The following CEPT1 variants were observed in gnomAD, a reference collection of about 807,000 sequenced individuals.
The protein encoded by CEPT1 is choline/ethanolaminephosphotransferase 1.
A neutral mutation model predicts 42.6 loss-of-function variants in CEPT1; 7 were observed. The ratio of observed to expected loss-of-function variants is 0.16; its 90% CI spans 0.09 to 0.31. CEPT1 has a LOEUF of 0.31. Ranked by LOEUF, CEPT1 falls within the 10% of genes least tolerant of loss-of-function variation. The pLI, the probability that CEPT1 is intolerant of heterozygous loss-of-function variation, is 1.00. For synonymous variants in CEPT1, 171 were observed against 171.9 expected (o/e 0.99, Z 0.04); for missense variants, 306 against 502.1 (o/e 0.61, Z 3.73).
At chr1:111,155,026 T>C (rs1426951815) in intron 2 of CEPT1, among the ~76,000 whole-genome samples, 2 of 152,204 alleles carry the variant, frequency 1.3e-5, no homozygotes, top group Admixed American at 6.5e-5. Context: ...GAATTTTCTC[T>C]CCAGTATTTT....
intron 5 of CEPT1, chr1:111,178,545 A>G (rs907978876): frequency 6.6e-6 from 1 of 151,954 alleles, no homozygotes; most frequent in Non-Finnish European, 1.5e-5. Context: ...AACAAAAAGC[A>G]TATTTTTTGT....
intron 4 of CEPT1, chr1:111,167,145 C>G: frequency 1.0e-6 from 1 of 985,084 alleles, no homozygotes; most frequent in South Asian, 4.7e-5. Flanking sequence ...TTATAATATG[C>G]CAGCTTCTCA....
intron 4 of CEPT1, chr1:111,173,261 C>T (rs2101371030): frequency 6.6e-6 from 1 of 152,282 alleles, no homozygotes; most frequent in African/African-American, 2.4e-5. Flanking sequence ...CTCACCAGGT[C>T]AGCTCTACAG....
chr1:111,155,235 A>G (rs897874555), intron 2 of CEPT1, among the ~76,000 whole-genome samples: 4 of 152,036 alleles, frequency 2.6e-5, no homozygotes, highest in East Asian at 1.9e-4. Context: ...AAGTGTATCT[A>G]CTTCGTCTAG....
At chr1:111,141,617 A>AG (rs1654576153) in intron 1 of CEPT1, among the ~76,000 whole-genome samples, 1 of 152,090 alleles carries the variant, frequency 6.6e-6, no homozygotes, top group South Asian at 2.1e-4. Flanking sequence ...TGTTTTTTTA[A>AG]GGGGGAAGAA....
At chr1:111,152,667 A>C (rs907761161) in intron 2 of CEPT1, among the ~76,000 whole-genome samples, 52 of 152,304 alleles carry the variant, frequency 3.4e-4, no homozygotes, top group African/African-American at 1.2e-3. Flanking sequence ...CTTTTGGGGG[A>C]GATTGCATGA....
At chr1:111,179,585 C>T (rs1656869566) in intron 5 of CEPT1, 1 of 151,582 alleles carries the variant, frequency 6.6e-6, no homozygotes, top group Non-Finnish European at 1.5e-5. Context: ...GTGAGAATGG[C>T]AACACTTTGT....
intron 4 of CEPT1, chr1:111,167,527 T>C: frequency 3.3e-6 from 3 of 902,302 alleles, no homozygotes; most frequent in Non-Finnish European, 4.0e-6. Flanking sequence ...TATTTCTATT[T>C]TGAAAACAGA....
At chr1:111,162,592 A>C (rs1655930945) in intron 4 of CEPT1, among the ~76,000 whole-genome samples, 1 of 152,240 alleles carries the variant, frequency 6.6e-6, no homozygotes, top group Non-Finnish European at 1.5e-5. Flanking sequence ...GAAAACTTAG[A>C]GAACAAGCTT....
chr1:111,169,239 C>T (rs1182537379), intron 4 of CEPT1, among the ~76,000 whole-genome samples: 1 of 152,200 alleles, frequency 6.6e-6, no homozygotes, highest in African/African-American at 2.4e-5. Context: ...TTTACCCTTA[C>T]ACTGTCTTCT....
At chr1:111,166,576 C>T (rs1049236189) in intron 4 of CEPT1, among the ~76,000 whole-genome samples, 2 of 152,164 alleles carry the variant, frequency 1.3e-5, no homozygotes, top group Non-Finnish European at 2.9e-5. Context: ...TGATTAGATT[C>T]TTTCCCACTT....
rs1006138836 is a variant in CEPT1, at chr1:111,161,270, T to C, written c.603T>C (p.Tyr201=). The change falls in exon 4 of 9, where the codon TAT becomes TAC. Residue 201 remains tyrosine, a synonymous_variant. Coordinates refer to ENST00000357172, the MANE Select transcript of CEPT1 (RefSeq NM_006090.5). ...TCTATTGTGCGCACTGGCAAACGTATGTTTCTGGAACATTGCGATTTGGAA... is the reference window on the plus strand; with the variant it reads ...TCTATTGTGCGCACTGGCAAACGTACGTTTCTGGAACATTGCGATTTGGAA... ...FMFYCAHWQT[Y]VSGTLRFGII... 81 of 1,612,588 alleles carry C rather than the reference T, an allele frequency of 5.0e-5. No individual in the cohort carries two copies. The highest frequency in any genetic ancestry group is 6.9e-5 in the Non-Finnish European group (81 of 1,179,614).
In CEPT1 at chr1:111,149,266, C is replaced by CTTTTTTTTTTTTTTTTT; in HGVS notation, c.339+1227_339+1228insTTTTTTTTTTTTTTTTT. On this transcript the variant is annotated intron_variant, in intron 2 of 8. Transcript: ENST00000357172. Reference sequence around the variant, plus strand: ...ATAGATGTAAAATCTGGTTTCTCCTCTTTTTTTTTTTTTTGAGACAGGGTC... The same window carrying CTTTTTTTTTTTTTTTTT: ...ATAGATGTAAAATCTGGTTTCTCCTCTTTTTTTTTTTTTTTTTTTTTTTTTTTTTTTGAGACAGGGTC... Among the ~76,000 whole-genome samples, 231 of 127,842 alleles carry CTTTTTTTTTTTTTTTTT rather than the reference C, an allele frequency of 1.8e-3. 9 individuals carry two copies. The highest frequency in any genetic ancestry group is 6.7e-3 in the African/African-American group (208 of 31,198). 83.9% of individuals were successfully genotyped at this position (127,842 alleles called of 152,430 possible).
chr1:111,141,558 ATAACC>A (rs1654565673), intron 1 of CEPT1, among the ~76,000 whole-genome samples: 2 of 152,186 alleles, frequency 1.3e-5, no homozygotes, highest in Admixed American at 1.3e-4. Flanking sequence ...GGCTAGAAAA[ATAACC>A]TATAAAATAC....
At chr1:111,148,471 A>C (rs1473697267) in intron 2 of CEPT1, among the ~76,000 whole-genome samples, 1 of 151,660 alleles carries the variant, frequency 6.6e-6, no homozygotes, top group Non-Finnish European at 1.5e-5. Context: ...TTCTAGTGAG[A>C]AGTGTTAAAT....
At chr1:111,139,690 A>T (rs1281190191), upstream of CEPT1, 1 of 152,342 alleles carries the variant, frequency 6.6e-6, no homozygotes, top group East Asian at 1.9e-4. Context: ...AAGACGCGAG[A>T]GACGGAACTC....
intron 5 of CEPT1, chr1:111,179,940 A>C (rs1239093753): frequency 6.6e-6 from 1 of 152,084 alleles, no homozygotes; most frequent in Admixed American, 6.5e-5. Flanking sequence ...AGTGATGAAA[A>C]CCTTAAGAAT....
chr1:111,183,713 A>G, intron 8 of CEPT1, 126 bp downstream of exon 8: 1 of 1,010,820 alleles, frequency 9.9e-7, no homozygotes, highest in South Asian at 1.6e-5. Flanking sequence ...TCAGAAATCC[A>G]CATAAATGGG....
At chr1:111,176,953 A>G (rs1031986484) in intron 5 of CEPT1, among the ~76,000 whole-genome samples, 3 of 152,360 alleles carry the variant, frequency 2.0e-5, no homozygotes, top group East Asian at 1.9e-4. Flanking sequence ...AAAAAATAAG[A>G]CATATCAGTG....
Sources: allele counts gnomAD v4.1 joint callset (sites outside exome capture counted in the v4.1 genomes callset), GRCh38; gene constraint gnomAD v4.1.1; transcripts MANE v1.5; gene names NCBI Gene and HGNC (gene_info 2026-07-23, HGNC 2026-07-21).